Variants in MIS18BP1 observed in about 807,000 individuals in gnomAD.
The protein encoded by MIS18BP1 is mis18-binding protein 1.
MIS18BP1 carries 72 observed loss-of-function variants against 116.1 expected under a neutral mutation model. The ratio of observed to expected loss-of-function variants is 0.62; its 90% confidence interval spans 0.51 to 0.75. MIS18BP1 has a LOEUF of 0.75. Among genes scored for constraint, MIS18BP1 ranks in the 30% least tolerant of loss-of-function variants. MIS18BP1 has a pLI of 0.00. For missense variants in MIS18BP1, 1,363 were observed against 1,303.2 expected, an observed-to-expected ratio of 1.05 and a Z score of -0.71; for synonymous variants, 386 against 427.0, an observed-to-expected ratio of 0.90 and a Z score of 1.18.
intron 4 of MIS18BP1, among the ~76,000 whole-genome samples, chr14:45,238,990 TG>T (rs927687607): frequency 6.6e-6 from 1 of 152,162 alleles, no homozygotes; most frequent in African/African-American, 2.4e-5. Context: ...AGGTAGGACT[TG>T]GGGAAGTAAC....
At position 45,221,525 on chromosome 14, in the gene MIS18BP1, G is replaced by A. The variant is rs573979273; in HGVS notation, c.2669+2393C>T. Reference sequence around the variant, plus strand: ...TCTTTGACCCACAGATTAGTTATACGTATTAATAAGTTATTTAATTTTCAA... The same window carrying A: ...TCTTTGACCCACAGATTAGTTATACATATTAATAAGTTATTTAATTTTCAA... On this transcript the variant is annotated intron_variant, in intron 11 of 16. Coordinates refer to ENST00000310806, the MANE Select transcript of MIS18BP1 (RefSeq NM_018353.5). Among the ~76,000 whole-genome samples the A allele has an allele frequency of 5.3e-5, 8 of 152,152 alleles. No individual in the cohort carries two copies. The South Asian group carries it at 1.2e-3, about 24-fold the overall frequency.
intron 14 of MIS18BP1, among the ~76,000 whole-genome samples, chr14:45,207,391 G>A (rs1490015276): frequency 6.6e-6 from 1 of 152,080 alleles, no homozygotes; most frequent in Admixed American, 6.6e-5. Flanking sequence ...AAATGAACAG[G>A]TGTGATCCCA....
At chr14:45,205,373 T>TA (rs1159290259) in intron 15 of MIS18BP1, among the ~76,000 whole-genome samples, 5 of 152,136 alleles carry the variant, frequency 3.3e-5, no homozygotes, top group African/African-American at 1.2e-4. Context: ...GGGGTTCCCA[T>TA]AAGTTACCAT....
At chr14:45,235,971 G>T in intron 5 of MIS18BP1, 27 bp from the exon 6 acceptor site, 1 of 1,559,254 alleles carries the variant, frequency 6.4e-7, no homozygotes, top group Non-Finnish European at 8.7e-7. Context: ...GTTTTGGTAA[G>T]GTCAAAATAT....
At position 45,217,055 on chromosome 14, in the gene MIS18BP1, A is replaced by G. The variant is rs1395964135; in HGVS notation, c.2967T>C (p.Phe989=). 6.2e-7 allele frequency: 1 copy of G among 1,614,010 alleles called. No individual in the cohort carries two copies. Among genetic ancestry groups the G allele is most frequent in the African/African-American group, 1.3e-5 (1 of 74,922 alleles). ...GATGCTGTAAAGGTGTTGTACTGAA[A>G]AAATCATCATGGTCATCTTTTGGCA... ...EQLPKDDHDD[F]FSTTPLQHQR... The change falls in exon 13 of 17, where the codon TTT becomes TTC. Residue 989 remains phenylalanine (F), a synonymous_variant. Coordinates refer to ENST00000310806, the MANE Select transcript of MIS18BP1 (RefSeq NM_018353.5).
chr14:45,249,688 C>A (rs1019174291), intron 1 of MIS18BP1, among the ~76,000 whole-genome samples: 9 of 152,072 alleles, frequency 5.9e-5, no homozygotes, highest in Non-Finnish European at 1.3e-4. Flanking sequence ...CTGGCCAACA[C>A]GGTGAATCCC....
At chr14:45,206,741 T>C (rs1005253775) in intron 14 of MIS18BP1, among the ~76,000 whole-genome samples, 1 of 152,240 alleles carries the variant, frequency 6.6e-6, no homozygotes, top group African/African-American at 2.4e-5. Context: ...TGCTTACCGT[T>C]CATTGTACCG....
chr14:45,207,289 A>C (rs1245162979), intron 14 of MIS18BP1, among the ~76,000 whole-genome samples: 2 of 152,222 alleles, frequency 1.3e-5, no homozygotes, highest in Non-Finnish European at 2.9e-5. Context: ...GCATGACATG[A>C]AGAAATGTGA....
At chr14:45,212,260 C>T (rs1390812005) in intron 13 of MIS18BP1, among the ~76,000 whole-genome samples, 1 of 152,144 alleles carries the variant, frequency 6.6e-6, no homozygotes, top group Non-Finnish European at 1.5e-5. Flanking sequence ...CTTCCTCCAT[C>T]TTTTCTATTC....
Position 45,217,066 on chromosome 14 carries a change from G to C in MIS18BP1, c.2956C>G (p.His986Asp), listed in dbSNP as rs374050590. 1.2e-6 allele frequency: 2 copies of C among 1,613,900 alleles called. No homozygotes were observed. The highest frequency in any genetic ancestry group is 1.7e-6 in the Non-Finnish European group (2 of 1,179,966). The change falls in exon 13 of 17, where the codon CAT becomes GAT. Residue 986 changes from histidine (H) to aspartate (D), a missense_variant. By Grantham distance (81) the His-to-Asp change is moderately conservative. Coordinates refer to ENST00000310806, the MANE Select transcript of MIS18BP1 (RefSeq NM_018353.5). ...EFLEQLPKDD[H>D]DDFFSTTPLQ... ...GGTGTTGTACTGAAAAAATCATCAT[G>C]GTCATCTTTTGGCAACTGTTCCAGA... is the stretch of plus-strand genomic sequence containing the variant.
intron 11 of MIS18BP1, among the ~76,000 whole-genome samples, chr14:45,220,005 G>A (rs943419183): frequency 2.6e-5 from 4 of 152,074 alleles, no homozygotes; most frequent in East Asian, 1.9e-4. Context: ...TTAGTGTAAC[G>A]CTGTATTGTT....
intron 13 of MIS18BP1, among the ~76,000 whole-genome samples, chr14:45,211,244 G>C (rs924972556): frequency 6.6e-6 from 1 of 152,102 alleles, no homozygotes; most frequent in African/African-American, 2.4e-5. Flanking sequence ...TTCCTTAGAA[G>C]CTTCAGGGGC....
In MIS18BP1 at chr14:45,203,254, T is replaced by C. The variant is rs1051535389; in HGVS notation, c.*855A>G. Reference sequence around the variant, plus strand: ...TAGAGAACAAGGGTAGGTGAATGTGTAGCCAGAGGGAAAATATCCTATGTC... The same window carrying C: ...TAGAGAACAAGGGTAGGTGAATGTGCAGCCAGAGGGAAAATATCCTATGTC... On this transcript the variant is annotated 3_prime_UTR_variant, in exon 17 of 17. Coordinates refer to ENST00000310806, the MANE Select transcript of MIS18BP1 (RefSeq NM_018353.5). 5 of 152,158 alleles carry C rather than the reference T, an allele frequency of 3.3e-5. No individual in the cohort carries two copies. Among genetic ancestry groups the C allele is most frequent in the Non-Finnish European group, 7.4e-5 (5 of 68,024 alleles). 9.4% of individuals were successfully genotyped at this position (152,158 alleles called of 1,614,324 possible).
rs549379634 is a variant in MIS18BP1 at position 45,246,856 on chromosome 14, T to C, written c.431A>G (p.Asn144Ser). The C allele has an allele frequency of 3.7e-6, 6 of 1,612,772 alleles. No individual in the cohort carries two copies. The Admixed American group carries it at 6.7e-5, about 18-fold the overall frequency. The change falls in exon 2 of 17, where the codon AAT becomes AGT. Residue 144 changes from asparagine (N) to serine (S), a missense_variant. Transcript: ENST00000310806. The part of the protein sequence containing the change: ...SSLLEPQKSG[N>S]NETFTPNRVE... ...TCTGTTAGGAGTGAAGGTTTCATTA[T>C]TTCCACTTTTCTGTGGTTCCAACAA...
chr14:45,231,119 G>A (rs1891261754), intron 8 of MIS18BP1, 22 bp downstream of exon 8: 1 of 1,608,318 alleles, frequency 6.2e-7, no homozygotes, highest in Non-Finnish European at 8.5e-7. Context: ...TGTACCAACA[G>A]AGAAGTAAAG....
In MIS18BP1 at chr14:45,229,822, C is replaced by T. The variant is rs78105004; in HGVS notation, c.1594+1319G>A. On this transcript the variant is annotated intron_variant, in intron 8 of 16. Coordinates refer to ENST00000310806, the MANE Select transcript of MIS18BP1 (RefSeq NM_018353.5). ...GCCGAAGCCCCAAGGTTCCAGCATA[C>T]TCAAGATGCTCCAGCAATAAAAATA... is the stretch of plus-strand genomic sequence containing the variant. Among the ~76,000 whole-genome samples the T allele has an allele frequency of 1.9e-3, 282 of 152,176 alleles. 4 individuals carry two copies. In the East Asian group the frequency reaches 0.04, roughly 22 times the overall value.
chr14:45,251,721 G>A (rs758127099), intron 1 of MIS18BP1, among the ~76,000 whole-genome samples: 22 of 152,098 alleles, frequency 1.4e-4, no homozygotes, highest in Non-Finnish European at 3.1e-4. Flanking sequence ...ATACAAAACA[G>A]AAAATGGTCA....
At chr14:45,215,671 A>G (rs1449065836) in intron 13 of MIS18BP1, among the ~76,000 whole-genome samples, 1 of 151,294 alleles carries the variant, frequency 6.6e-6, no homozygotes, top group Admixed American at 6.6e-5. Flanking sequence ...TTGGCCTCCC[A>G]AAGTGTTGGG....
At chr14:45,216,072 TTTGTA>T (rs1315501838) in intron 13 of MIS18BP1, among the ~76,000 whole-genome samples, 1 of 152,200 alleles carries the variant, frequency 6.6e-6, no homozygotes, top group Non-Finnish European at 1.5e-5. Flanking sequence ...GCATTTAATA[TTTGTA>T]TTGTATTTCA....
Sources: gnomAD v4.1 joint callset for allele counts (sites outside exome capture counted in the v4.1 genomes callset) on GRCh38, gnomAD v4.1.1 for gene constraint, MANE v1.5 for transcripts, NCBI Gene and HGNC (gene_info 2026-07-23, HGNC 2026-07-21) for gene names.